Variants in SLCO3A1 observed in about 807,000 individuals in gnomAD.
SLCO3A1 encodes the protein PGE1 transporter.
Under a neutral mutation model 63.1 loss-of-function variants are expected in SLCO3A1, and 27 were observed. The ratio of observed to expected loss-of-function variants is 0.43; its 90% CI spans 0.32 to 0.59. The LOEUF (loss-of-function observed/expected upper bound fraction) is 0.59. Among genes scored for constraint, SLCO3A1 ranks in the 20% least tolerant of loss-of-function variants. SLCO3A1 has a pLI of 0.09. For missense variants in SLCO3A1, 773 were observed against 945.8 expected (o/e 0.82, Z 2.40); for synonymous variants, 473 against 409.9 (o/e 1.15, Z -1.86).
chr15:92,130,342 C>G (rs2047977381), intron 7 of SLCO3A1, among the ~76,000 whole-genome samples: 1 of 152,232 alleles, frequency 6.6e-6, no homozygotes, highest in Non-Finnish European at 1.5e-5. Flanking sequence ...CCCCCAGACA[C>G]CTGCCTTTTA....
Position 92,017,754 on chromosome 15 carries a change from T to C in SLCO3A1, c.647-77127T>C, listed in dbSNP as rs928861141. Among the ~76,000 whole-genome samples the C allele has an allele frequency of 2.6e-5, 4 of 152,146 alleles. 1 individual carries two copies. The highest frequency in any genetic ancestry group is 6.8e-3 in the Middle Eastern group (2 of 294). On this transcript the variant is annotated intron_variant, in intron 2 of 9. Transcript: ENST00000318445. ...GATGAGCGAAAAGGGAAGGTGAAGC[T>C]ACCAGGGGCACATGACACCTCCCAG...
intron 2 of SLCO3A1, among the ~76,000 whole-genome samples, chr15:91,943,390 TC>T (rs1344455111): frequency 6.6e-6 from 1 of 152,202 alleles, no homozygotes; most frequent in Non-Finnish European, 1.5e-5. Flanking sequence ...TCAAGGTTCA[TC>T]CAAGTTGTAG....
rs183649240 is a variant in SLCO3A1 at position 91,904,106 on chromosome 15, A to G, written c.181-11887A>G. On this transcript the variant is annotated intron_variant, in intron 1 of 9. Coordinates refer to ENST00000318445, the MANE Select transcript of SLCO3A1 (RefSeq NM_013272.4). The stretch of plus-strand genomic sequence containing the variant: ...GTGGAGGTGAGGTGCCCCACAGCAC[A>G]TGCCCTCACTTCCCCTTCCTCTGAA... Among the ~76,000 whole-genome samples, 84 of 143,710 alleles carry G rather than the reference A, an allele frequency of 5.8e-4. 1 individual carries two copies. The East Asian group carries it at 0.016, about 28-fold the overall frequency. 94.3% of individuals were successfully genotyped at this position (143,710 alleles called of 152,430 possible). A position where few individuals can be genotyped will look rare whatever the true frequency, so the allele number is the denominator to read the frequency against.
intron 2 of SLCO3A1, among the ~76,000 whole-genome samples, chr15:92,068,119 GCAGTACTTGGC>G (rs1187599464): frequency 2.6e-5 from 4 of 152,288 alleles, no homozygotes; most frequent in African/African-American, 9.6e-5. Context: ...TCAGACCATA[GCAGTACTTGGC>G]CAGGCTACCT....
intron 2 of SLCO3A1, among the ~76,000 whole-genome samples, chr15:92,087,532 T>TAATAGATAATAAAAC (rs1168265065): frequency 6.6e-6 from 1 of 151,248 alleles, no homozygotes; most frequent in Non-Finnish European, 1.5e-5. Context: ...TTTTTTTTTT[T>TAATAGATAATAAAAC]TTTGAGCTGG....
At chr15:91,876,122 T>A (rs957946691) in intron 1 of SLCO3A1, among the ~76,000 whole-genome samples, 5 of 152,196 alleles carry the variant, frequency 3.3e-5, no homozygotes, top group Non-Finnish European at 5.9e-5. Flanking sequence ...CTGGGCAACA[T>A]GGTGAAACCC....
chr15:92,153,012 AG>A (rs1399643033), intron 9 of SLCO3A1, among the ~76,000 whole-genome samples: 1 of 152,252 alleles, frequency 6.6e-6, no homozygotes, highest in Admixed American at 6.5e-5. Context: ...TGAAAATTGT[AG>A]GATAGTTGAA....
chr15:92,003,602 C>T (rs1362737122), intron 2 of SLCO3A1, among the ~76,000 whole-genome samples: 1 of 152,196 alleles, frequency 6.6e-6, no homozygotes, highest in Non-Finnish European at 1.5e-5. Context: ...TGAGAAATCC[C>T]AGACTTCATG....
chr15:92,102,946 C>T (rs903165317), intron 3 of SLCO3A1, among the ~76,000 whole-genome samples: 2 of 152,214 alleles, frequency 1.3e-5, no homozygotes, highest in Non-Finnish European at 2.9e-5. Flanking sequence ...GTTACTCCAT[C>T]TATAGAAAAC....
At chr15:91,913,365 T>C (rs576540702) in intron 1 of SLCO3A1, among the ~76,000 whole-genome samples, 2 of 152,304 alleles carry the variant, frequency 1.3e-5, no homozygotes, top group African/African-American at 4.8e-5. Context: ...CCCGCGCTGC[T>C]CACTGCCATT....
chr15:91,853,938 G>A lies in SLCO3A1; in HGVS notation c.30G>A (p.Ser10=), dbSNP rs1402934228. Residue 10 remains serine, a synonymous_variant, in exon 1 of 10, where the codon TCG becomes TCA. Transcript: ENST00000318445. MQGKKPGGS[S]GGGRSGELQG... is the part of the protein sequence containing the mutation. Reference sequence around the variant, plus strand: ...AGGGGAAGAAGCCGGGCGGTTCGTCGGGCGGCGGCCGGAGCGGCGAGCTGC... The same window carrying A: ...AGGGGAAGAAGCCGGGCGGTTCGTCAGGCGGCGGCCGGAGCGGCGAGCTGC... 6.8e-7 allele frequency: 1 copy of A among 1,460,730 alleles called. No individual in the cohort carries two copies. The highest frequency in any genetic ancestry group is 9.1e-7 in the Non-Finnish European group (1 of 1,099,046). The allele number at this position is 1,460,730 out of a possible 1,614,324, so 90.5% of individuals were successfully genotyped here. A position where few individuals can be genotyped will look rare whatever the true frequency, so the allele number is the denominator to read the frequency against.
rs1172010055 is a variant in SLCO3A1 at position 92,011,746 on chromosome 15, G to A, written c.647-83135G>A. ...GCTCAGCTTTGCCAAGGGCAGCATC[G>A]CTGGCTCCTAGCGTGGTGCTTGGCC... is the stretch of plus-strand genomic sequence containing the variant. On this transcript the variant is annotated intron_variant, in intron 2 of 9. Transcript: ENST00000318445. Among the ~76,000 whole-genome samples, 5 of 152,214 alleles carry A rather than the reference G, an allele frequency of 3.3e-5. No individual in the cohort carries two copies. The East Asian group carries it at 5.8e-4, about 18-fold the overall frequency.
At chr15:92,080,459 T>C (rs1466787245) in intron 2 of SLCO3A1, among the ~76,000 whole-genome samples, 3 of 151,926 alleles carry the variant, frequency 2.0e-5, no homozygotes, top group Middle Eastern at 3.4e-3. Context: ...TCACGTACTA[T>C]GACAGAAGAG....
intron 1 of SLCO3A1, among the ~76,000 whole-genome samples, chr15:91,879,127 C>G (rs1047707510): frequency 1.3e-5 from 2 of 152,154 alleles, no homozygotes; most frequent in African/African-American, 4.8e-5. Context: ...TCGGCAGCCA[C>G]TTTTCCAAAG....
At chr15:92,030,688 A>G (rs985631803) in intron 2 of SLCO3A1, among the ~76,000 whole-genome samples, 102 of 152,298 alleles carry the variant, frequency 6.7e-4, no homozygotes, top group African/African-American at 2.3e-3. Context: ...AGGGTTGAGC[A>G]ACATGCTCTA....
At chr15:91,855,644 G>C (rs1185372662) in intron 1 of SLCO3A1, among the ~76,000 whole-genome samples, 2 of 152,110 alleles carry the variant, frequency 1.3e-5, no homozygotes, top group Non-Finnish European at 2.9e-5. Flanking sequence ...GGGGATAATT[G>C]TGTTTTGGGA....
chr15:91,897,438 G>A lies in SLCO3A1; in HGVS notation c.181-18555G>A, dbSNP rs901064603. Among the ~76,000 whole-genome samples the A allele has an allele frequency of 6.6e-6, 1 of 151,942 alleles. No homozygotes were observed. The highest frequency in any genetic ancestry group is 2.4e-5 in the African/African-American group (1 of 41,228). On this transcript the variant is annotated intron_variant, in intron 1 of 9. Transcript: ENST00000318445. The surrounding 1 kb of genome is among the most constrained non-coding windows in gnomAD (Gnocchi z 4.7). ...TGCACTCCAGCCTGGGCAATGGAGC[G>A]AGACTCTGTCTAAAAACAAACAAAC...
At chr15:91,880,391 C>CTGTGTGTGTGTGTG (rs1248316415) in intron 1 of SLCO3A1, among the ~76,000 whole-genome samples, 1,134 of 74,352 alleles carry the variant, frequency 0.015, 19 homozygotes, top group African/African-American at 0.058. Context: ...TTCTCTCTCT[C>CTGTGTGTGTGTGTG]TCTCTCTCTC....
intron 2 of SLCO3A1, among the ~76,000 whole-genome samples, chr15:92,020,328 C>T (rs942370101): frequency 2.0e-5 from 3 of 152,124 alleles, no homozygotes; most frequent in African/African-American, 7.2e-5. Flanking sequence ...TTTGTAAAGT[C>T]CCGAAGCCTC....
Sources: gnomAD v4.1 joint callset for allele counts (sites outside exome capture counted in the v4.1 genomes callset) on GRCh38, gnomAD v4.1.1 for gene constraint, Gnocchi (gnomAD v3.1) non-coding constraint, MANE v1.5 for transcripts, NCBI Gene and HGNC (gene_info 2026-07-23, HGNC 2026-07-21) for gene names.